HEATR1: variants seen among roughly 807,000 people sequenced by gnomAD.
HEATR1 encodes the protein HEAT repeat containing 1.
A neutral mutation model predicts 248.2 loss-of-function variants in HEATR1; 77 were observed. The ratio of observed to expected loss-of-function variants is 0.31; its 90% CI spans 0.26 to 0.37. The LOEUF (loss-of-function observed/expected upper bound fraction) is 0.37, where lower values mean the gene tolerates loss of function less well. Among genes scored for constraint, HEATR1 ranks in the 10% least tolerant of loss-of-function variants. The pLI is 1.00. For synonymous variants in HEATR1, 897 were observed against 923.1 expected, an observed-to-expected ratio of 0.97 and a Z score of 0.51; for missense variants, 2,420 against 2,504.9, an observed-to-expected ratio of 0.97 and a Z score of 0.72.
At chr1:236,602,094 G>C (rs938469584) in intron 3 of HEATR1, among the ~76,000 whole-genome samples, 1 of 150,340 alleles carries the variant, frequency 6.7e-6, no homozygotes, top group Admixed American at 6.6e-5. Context: ...AGATGAGATC[G>C]TGCCACTGCA....
chr1:236,597,425 G>GT (rs1664206403), intron 5 of HEATR1, among the ~76,000 whole-genome samples: 1 of 151,872 alleles, frequency 6.6e-6, no homozygotes, highest in East Asian at 1.9e-4. Context: ...GTTTATTTTC[G>GT]TATTTTTAGT....
At chr1:236,604,148 T>C in intron 1 of HEATR1, 21 bp from the exon 2 acceptor site, 7 of 1,517,424 alleles carry the variant, frequency 4.6e-6, no homozygotes, top group South Asian at 1.3e-5. Context: ...GTAAGCACTT[T>C]GATAAGTTTC....
intron 19 of HEATR1, among the ~76,000 whole-genome samples, chr1:236,582,024 T>C (rs927294706): frequency 1.3e-5 from 2 of 150,076 alleles, no homozygotes; most frequent in Non-Finnish European, 3.0e-5. Flanking sequence ...CGTGCTATTA[T>C]ATACTCTTCA....
intron 36 of HEATR1, 71 bp downstream of exon 36, chr1:236,558,165 AG>A: frequency 6.9e-7 from 1 of 1,442,210 alleles, no homozygotes; most frequent in Admixed American, 2.3e-5. Context: ...AAAAAAAAAA[AG>A]TCACCAAAGT....
chr1:236,598,797 C>T (rs565062195), intron 4 of HEATR1, among the ~76,000 whole-genome samples: 8 of 152,184 alleles, frequency 5.3e-5, no homozygotes, highest in Admixed American at 2.6e-4. Context: ...TGCCTCCCCC[C>T]CTACCCTGGA....
intron 31 of HEATR1, 63 bp downstream of exon 31, chr1:236,565,856 A>C: frequency 6.6e-7 from 1 of 1,510,946 alleles, no homozygotes; most frequent in Non-Finnish European, 9.0e-7. Flanking sequence ...GATAACCTGC[A>C]TTCTCTTCTG....
At position 236,559,774 on chromosome 1, in the gene HEATR1, G is replaced by A. The variant is rs77776078; in HGVS notation, c.4710C>T (p.Asp1570=). The A allele has an allele frequency of 6.2e-7, 1 of 1,614,060 alleles. No homozygotes were observed. Among genetic ancestry groups the A allele is most frequent in the East Asian group, 2.2e-5 (1 of 44,874 alleles). Residue 1570 remains aspartate (D), a synonymous_variant, in exon 34 of 45, where the codon GAC becomes GAT. Transcript: ENST00000366582. The part of the protein sequence containing the change: ...AVAQSMERNA[D]KLTVKFWRAL... ...CGCGCCAGAACTTCACGGTGAGTTTGTCTGCGTTCCTTTCCATGGACTGTG... is the reference window on the plus strand; with the variant it reads ...CGCGCCAGAACTTCACGGTGAGTTTATCTGCGTTCCTTTCCATGGACTGTG...
chr1:236,562,858 C>T (rs1490706406), intron 32 of HEATR1, among the ~76,000 whole-genome samples: 1 of 152,142 alleles, frequency 6.6e-6, no homozygotes, highest in Non-Finnish European at 1.5e-5. Context: ...ATTCTTGGTA[C>T]CTTATAAGTT....
At chr1:236,558,852 T>C in intron 35 of HEATR1, 143 bp downstream of exon 35, 1 of 784,070 alleles carries the variant, frequency 1.3e-6, no homozygotes, top group South Asian at 2.0e-5. Flanking sequence ...AACGTCACAT[T>C]TTAAAACATG....
At chr1:236,562,598 T>G (rs1421685585) in intron 32 of HEATR1, among the ~76,000 whole-genome samples, 1 of 152,224 alleles carries the variant, frequency 6.6e-6, no homozygotes, top group African/African-American at 2.4e-5. Context: ...TGATTACTCC[T>G]GCACCATACC....
At position 236,591,989 on chromosome 1, in the gene HEATR1, A is replaced by G; in HGVS notation, c.1422+4T>C. 6.5e-7 allele frequency: 1 copy of G among 1,532,328 alleles called. No homozygotes were observed. The allele number at this position is 1,532,328 out of a possible 1,614,324, so 94.9% of individuals were successfully genotyped here. ...TGTCATAATTCCTTTGGAGAACAAC[A>G]TACCTGATACTTTCCTCCACTTGTA... is the stretch of plus-strand genomic sequence containing the variant. On this transcript the variant is annotated splice_donor_region_variant and intron_variant, in intron 11 of 44. Transcript: ENST00000366582.
At chr1:236,602,678 A>AT (rs1197097233) in intron 3 of HEATR1, 1 of 159,086 alleles carries the variant, frequency 6.3e-6, no homozygotes, top group Non-Finnish European at 1.4e-5. Context: ...TAATCCCAGT[A>AT]TTTTGGGAGG....
intron 20 of HEATR1, among the ~76,000 whole-genome samples, chr1:236,577,757 G>A (rs1663603593): frequency 6.6e-6 from 1 of 151,966 alleles, no homozygotes; most frequent in Admixed American, 6.6e-5. Context: ...CAAAGTGCTG[G>A]GATTATAGGT....
At position 236,595,858 on chromosome 1, in the gene HEATR1, G is replaced by C; in HGVS notation, c.931C>G (p.Gln311Glu). The change falls in exon 7 of 45, where the codon CAG becomes GAG. Residue 311 changes from glutamine to glutamate, a missense_variant. Physicochemically the swap from Gln to Glu is conservative, Grantham distance 29 (BLOSUM62 2). Transcript: ENST00000366582. ...LSCLIVLLQRQKPESLGKKPF... is the reference protein window; with the variant it reads ...LSCLIVLLQREKPESLGKKPF... The stretch of plus-strand genomic sequence containing the variant: ...TTTTTCCCAAGGCTCTCTGGCTTCT[G>C]TCTCTGCAGGAGCACTATCAAGCAA... 6.2e-7 allele frequency: 1 copy of C among 1,613,790 alleles called. No homozygotes were observed. The highest frequency in any genetic ancestry group is 8.5e-7 in the Non-Finnish European group (1 of 1,179,758).
chr1:236,556,443 T>C (rs1237630150), intron 37 of HEATR1, among the ~76,000 whole-genome samples, 185 bp from the exon 38 acceptor site: 1 of 152,196 alleles, frequency 6.6e-6, no homozygotes, highest in Non-Finnish European at 1.5e-5. Flanking sequence ...AGACACCTCT[T>C]GCCCAACTTG....
intron 5 of HEATR1, among the ~76,000 whole-genome samples, 192 bp downstream of exon 5, chr1:236,597,684 TAA>T (rs1226922363): frequency 7.6e-6 from 1 of 130,950 alleles, no homozygotes; most frequent in East Asian, 2.2e-4. Context: ...CCTTTGGTGA[TAA>T]AAGACTGATT....
At position 236,604,075 on chromosome 1, in the gene HEATR1, C is replaced by G. The variant is rs1326422044; in HGVS notation, c.21G>C (p.Gln7His). 1 of 1,579,028 alleles carries G rather than the reference C, an allele frequency of 6.3e-7. No individual in the cohort carries two copies. The highest frequency in any genetic ancestry group is 8.6e-7 in the Non-Finnish European group (1 of 1,169,274). MTSLAQ[Q>H]LQRLALPQSD... The stretch of plus-strand genomic sequence containing the variant: ...TTTGAGGGAGGGCGAGTCGTTGCAG[C>G]TGCTGGGCTAAGGACGTCATCTTTC... The change falls in exon 2 of 45, where the codon CAG becomes CAC. Residue 7 changes from glutamine (Q) to histidine (H), a missense_variant. Physicochemically the swap from Gln to His is conservative, Grantham distance 24 (BLOSUM62 0). Transcript: ENST00000366582.
chr1:236,592,418 G>T, intron 10 of HEATR1, 105 bp downstream of exon 10: 1 of 628,052 alleles, frequency 1.6e-6, no homozygotes, highest in Non-Finnish European at 2.9e-6. Flanking sequence ...AATTTAAAAA[G>T]GACAGTCTCT....
intron 20 of HEATR1, among the ~76,000 whole-genome samples, chr1:236,579,588 A>T (rs1663654681): frequency 6.6e-6 from 1 of 152,234 alleles, no homozygotes; most frequent in Non-Finnish European, 1.5e-5. Context: ...CCATTTATTA[A>T]TATGGAAAGA....
Sources: gnomAD v4.1 joint callset for allele counts (sites outside exome capture counted in the v4.1 genomes callset) on GRCh38, gnomAD v4.1.1 for gene constraint, MANE v1.5 for transcripts, NCBI Gene and HGNC (gene_info 2026-07-23, HGNC 2026-07-21) for gene names.